Variants in PPEF1 observed in about 807,000 individuals in gnomAD.
PPEF1 encodes the protein protein phosphatase with EF-hand domain 1, also known as serine/threonine-protein phosphatase with EF-hands 1.
In PPEF1, 12 loss-of-function variants were observed where a neutral mutation model predicts 53.3. The observed-to-expected ratio is 0.23, with a 90% CI of 0.14 to 0.36. PPEF1 has a LOEUF of 0.36. Ranked by LOEUF, PPEF1 falls within the 10% of genes least tolerant of loss-of-function variation. The pLI is 1.00. For synonymous variants in PPEF1, 165 were observed against 176.7 expected, an observed-to-expected ratio of 0.93 and a Z score of 0.52; for missense variants, 334 against 490.4, an observed-to-expected ratio of 0.68 and a Z score of 3.01.
chrX:18,745,456 C>A (rs1039337755), intron 3 of PPEF1, among the ~76,000 whole-genome samples: 3 of 108,653 alleles, frequency 2.8e-5, no homozygotes, highest in Non-Finnish European at 5.7e-5. Context: ...AGCAATTCTC[C>A]ATGCCCAGCC....
intron 3 of PPEF1, among the ~76,000 whole-genome samples, chrX:18,743,452 T>C (rs1291349473): frequency 3.4e-4 from 31 of 91,144 alleles, no homozygotes; most frequent in East Asian, 1.3e-3. Flanking sequence ...TTTTCTTTTT[T>C]TTTTTTTTTT....
chrX:18,735,959 G>T (rs923071702), intron 3 of PPEF1, among the ~76,000 whole-genome samples: 10 of 111,848 alleles, frequency 8.9e-5, no homozygotes, highest in African/African-American at 3.2e-4. Context: ...GAATACTTGT[G>T]ATTTTTGCAC....
chrX:18,781,051 G>A (rs1278585467), intron 7 of PPEF1, among the ~76,000 whole-genome samples: 2 of 80,748 alleles, frequency 2.5e-5, no homozygotes, highest in Non-Finnish European at 4.5e-5. Flanking sequence ...GCAAGACTCT[G>A]TCTCAAAAAC....
intron 10 of PPEF1, among the ~76,000 whole-genome samples, chrX:18,794,381 G>T: frequency 8.9e-6 from 1 of 112,958 alleles, no homozygotes; most frequent in Middle Eastern, 4.6e-3. Flanking sequence ...GCCAAATAAG[G>T]CCAGTCCCTT....
At chrX:18,795,939 G>C (rs1278265765) in intron 10 of PPEF1, among the ~76,000 whole-genome samples, 2 of 111,770 alleles carry the variant, frequency 1.8e-5, no homozygotes, top group Non-Finnish European at 3.8e-5. Context: ...AGGACACTGG[G>C]TTTTGTTTGT....
chrX:18,725,562 C>A (rs900256140), intron 1 of PPEF1, among the ~76,000 whole-genome samples: 1 of 111,670 alleles, frequency 9.0e-6, no homozygotes, highest in Non-Finnish European at 1.9e-5. Flanking sequence ...TTGCAGTCTG[C>A]CTTTCCCACC....
At chrX:18,784,954 C>T (rs2046170731) in intron 9 of PPEF1, among the ~76,000 whole-genome samples, 1 of 110,788 alleles carries the variant, frequency 9.0e-6, no homozygotes, top group Non-Finnish European at 1.9e-5. Context: ...GGTTGAAGAC[C>T]AGTAACAGCA....
chrX:18,767,517 C>A (rs1187747094), intron 6 of PPEF1, among the ~76,000 whole-genome samples: 1 of 112,008 alleles, frequency 8.9e-6, no homozygotes, highest in Non-Finnish European at 1.9e-5. Flanking sequence ...TGCACTCCAG[C>A]CTGGGCAACA....
intron 9 of PPEF1, among the ~76,000 whole-genome samples, chrX:18,786,652 G>T (rs1378677398): frequency 9.2e-6 from 1 of 108,559 alleles, no homozygotes; most frequent in Non-Finnish European, 1.9e-5. Context: ...GCATGGTGGT[G>T]CACACCTGTA....
upstream of PPEF1, among the ~76,000 whole-genome samples, chrX:18,678,826 C>T (rs188171669): frequency 1.3e-3 from 143 of 110,340 alleles, no homozygotes; most frequent in African/African-American, 4.6e-3. Context: ...TAAACACAGC[C>T]GTACCTCAGA....
At chrX:18,725,185 G>T (rs1434028220) in intron 1 of PPEF1, among the ~76,000 whole-genome samples, 1 of 111,176 alleles carries the variant, frequency 9.0e-6, no homozygotes, top group Non-Finnish European at 1.9e-5. Context: ...CATCGGGCAG[G>T]GTCTAGTCAG....
At chrX:18,822,527 G>A (rs1161952511) in intron 13 of PPEF1, among the ~76,000 whole-genome samples, 1 of 99,630 alleles carries the variant, frequency 1.0e-5, no homozygotes, top group Non-Finnish European at 2.0e-5. Flanking sequence ...TTTTTTTTTT[G>A]AGACGGAGTC....
chrX:18,730,450 G>T, intron 2 of PPEF1, 142 bp downstream of exon 2: 1 of 719,419 alleles, frequency 1.4e-6, no homozygotes, highest in Non-Finnish European at 2.0e-6. Flanking sequence ...ACATTGTCTT[G>T]GAACTAGTTA....
intron 12 of PPEF1, among the ~76,000 whole-genome samples, chrX:18,814,961 T>G (rs2046875779): frequency 8.9e-6 from 1 of 111,903 alleles, no homozygotes; most frequent in Non-Finnish European, 1.9e-5. Context: ...CTTCTAGGAT[T>G]TTTACAGTTT....
At chrX:18,802,588 C>T (rs2046569791) in intron 10 of PPEF1, among the ~76,000 whole-genome samples, 1 of 111,980 alleles carries the variant, frequency 8.9e-6, no homozygotes, top group African/African-American at 3.2e-5. Flanking sequence ...GAGACACCCT[C>T]AGATAAACAG....
intron 7 of PPEF1, among the ~76,000 whole-genome samples, chrX:18,780,849 T>G (rs1271171348): frequency 2.8e-5 from 3 of 108,987 alleles, no homozygotes; most frequent in Non-Finnish European, 5.7e-5. Context: ...GGTCAGGAGA[T>G]TGAGACCATC....
intron 10 of PPEF1, among the ~76,000 whole-genome samples, chrX:18,790,830 C>T (rs1171185105): frequency 1.8e-5 from 2 of 109,708 alleles, no homozygotes; most frequent in Non-Finnish European, 3.8e-5. Context: ...ATTACCACGC[C>T]TGGCTAATTT....
Position 18,707,816 on chromosome X carries a change from A to G in PPEF1, c.36A>G (p.Arg12=). The G allele has an allele frequency of 8.3e-7, 1 of 1,207,786 alleles. No homozygotes were observed. Among genetic ancestry groups the G allele is most frequent in the Non-Finnish European group, 1.1e-6 (1 of 891,912 alleles). ...GCSSSSTKTR[R]SDTSLRAALI... Reference sequence around the variant, plus strand: ...GCAGTTCTTCAACGAAAACCAGGAGATCTGACACATGTGAGTACTGGGAAT... The same window carrying G: ...GCAGTTCTTCAACGAAAACCAGGAGGTCTGACACATGTGAGTACTGGGAAT... The change falls in exon 1 of 16, where the codon AGA becomes AGG. Residue 12 remains arginine, a synonymous_variant. Coordinates refer to ENST00000470157, the MANE Select transcript of PPEF1 (RefSeq NM_001377996.1).
intron 2 of PPEF1, among the ~76,000 whole-genome samples, chrX:18,731,254 G>A (rs777685560): frequency 8.9e-6 from 1 of 112,274 alleles, no homozygotes; most frequent in Non-Finnish European, 1.9e-5. Flanking sequence ...CTGAGGACAG[G>A]AATGGTATTG....
Sources: allele counts gnomAD v4.1 joint callset (sites outside exome capture counted in the v4.1 genomes callset), GRCh38; gene constraint gnomAD v4.1.1; transcripts MANE v1.5; gene names NCBI Gene and HGNC (gene_info 2026-07-23, HGNC 2026-07-21).